Variants in RP1 observed in about 807,000 individuals in gnomAD.
RP1 encodes the protein oxygen-regulated protein 1.
In RP1, 16 loss-of-function variants were observed where a neutral mutation model predicts 14.8. The ratio of observed to expected loss-of-function variants is 1.08; its 90% confidence interval spans 0.73 to 1.65. The LOEUF is 1.65. RP1 is among the 40% of genes most tolerant of loss of function. RP1 has a pLI of 0.00. For synonymous variants in RP1, 876 were observed against 883.6 expected (o/e 0.99, Z 0.15); for missense variants, 2,631 against 2,535.0 (o/e 1.04, Z -0.81).
At chr8:54,697,866 A>C (rs577251218) in intron 12 of RP1, among the ~76,000 whole-genome samples, 4 of 152,230 alleles carry the variant, frequency 2.6e-5, no homozygotes, top group Admixed American at 6.5e-5. Context: ...GGATCCCTTC[A>C]TTACACCTTA....
At chr8:54,738,258 T>G (rs1268733985) in intron 18 of RP1, among the ~76,000 whole-genome samples, 1 of 152,124 alleles carries the variant, frequency 6.6e-6, no homozygotes, top group Non-Finnish European at 1.5e-5. Context: ...AAAACATACT[T>G]TACTCAGTTT....
At position 54,625,723 on chromosome 8, in the gene RP1, A is replaced by G. The variant is rs762549305; in HGVS notation, c.1841A>G (p.His614Arg). The G allele has an allele frequency of 8.1e-6, 13 of 1,613,940 alleles. No individual in the cohort carries two copies. Among genetic ancestry groups the G allele is most frequent in the Middle Eastern group, 1.6e-4 (1 of 6,082 alleles). The change falls in exon 4 of 4, where the codon CAT (histidine) becomes CGT (arginine). Residue 614 changes from histidine to arginine, a missense_variant. Transcript: ENST00000220676. ...AGTCCTATTTCAGCAGATGCAACCC[A>G]TTTTTCAAGTAATAACTCTGGAACT... ...RFSPISADAT[H>R]FSSNNSGTDK...
At chr8:54,666,288 AC>A (rs1314202477) in intron 7 of RP1, among the ~76,000 whole-genome samples, 2 of 151,910 alleles carry the variant, frequency 1.3e-5, no homozygotes, top group African/African-American at 2.4e-5. Flanking sequence ...TGCAAGTCCA[AC>A]CTTTTGTAGT....
intron 4 of RP1, chr8:54,649,201 G>A: frequency 7.5e-7 from 1 of 1,324,888 alleles, no homozygotes; most frequent in Non-Finnish European, 9.8e-7. Context: ...CACCTAGTAG[G>A]TACTTTGGAA....
intron 5 of RP1, among the ~76,000 whole-genome samples, chr8:54,653,707 T>G (rs908883756): frequency 1.3e-5 from 2 of 152,178 alleles, no homozygotes; most frequent in African/African-American, 4.8e-5. Flanking sequence ...AAACTTACCT[T>G]ATGAAAATAC....
exon 5 of RP1, chr8:54,652,845 C>T: frequency 6.5e-7 from 1 of 1,535,550 alleles, no homozygotes; most frequent in Non-Finnish European, 8.7e-7. Context: ...CTGGATCCTC[C>T]CCTTCCTGGC....
rs764465585 is a variant in RP1 at position 54,621,507 on chromosome 8, G to C, written c.541G>C (p.Glu181Gln). Residue 181 changes from glutamate to glutamine, a missense_variant, in exon 2 of 4, where the codon GAG (glutamate) becomes CAG (glutamine). Transcript: ENST00000220676. ...LLSRRVTQSF[E>Q]AFLQHLTEVM... ...GAGCAGGAGGGTCACCCAGAGCTTC[G>C]AGGCATTTCTACAGCACCTGACAGA... The C allele has an allele frequency of 3.1e-6, 5 of 1,614,032 alleles. No homozygotes were observed. The Admixed American group carries it at 8.3e-5, about 27-fold the overall frequency.
At chr8:54,798,264 G>A (rs1053164845) in intron 24 of RP1, among the ~76,000 whole-genome samples, 1 of 151,996 alleles carries the variant, frequency 6.6e-6, no homozygotes. Context: ...TGCCTGCTTC[G>A]GCCTCTCAAA....
chr8:54,809,582 T>C (rs1810938613), intron 24 of RP1, among the ~76,000 whole-genome samples: 1 of 85,000 alleles, frequency 1.2e-5, no homozygotes, highest in South Asian at 4.1e-4. Context: ...CAGAAAGACA[T>C]GCTGTACATA....
chr8:54,639,371 A>G (rs1806415150), intron 3 of RP1, among the ~76,000 whole-genome samples: 1 of 152,232 alleles, frequency 6.6e-6, no homozygotes. Context: ...GATATAAGTT[A>G]TATAAACATT....
At chr8:54,577,720 G>C (rs542544283) in intron 1 of RP1, among the ~76,000 whole-genome samples, 2 of 152,242 alleles carry the variant, frequency 1.3e-5, no homozygotes, top group South Asian at 4.1e-4. Context: ...TCATATTGTA[G>C]ATGAGGAAAT....
At chr8:54,785,715 T>A (rs893198239) in intron 24 of RP1, among the ~76,000 whole-genome samples, 6 of 152,114 alleles carry the variant, frequency 3.9e-5, no homozygotes, top group Non-Finnish European at 8.8e-5. Flanking sequence ...GTTTTTTGAT[T>A]CTAACCATCC....
At chr8:54,620,877 T>C in intron 1 of RP1, 78 bp from the exon 2 acceptor site, 2 of 1,284,070 alleles carry the variant, frequency 1.6e-6, no homozygotes, top group Non-Finnish European at 2.3e-6. Flanking sequence ...TGTCTGCAGC[T>C]ATATTTAGCA....
intron 23 of RP1, among the ~76,000 whole-genome samples, chr8:54,782,204 AGCTG>A (rs1217199435): frequency 1.5e-4 from 23 of 152,296 alleles, no homozygotes; most frequent in Admixed American, 7.8e-4. Context: ...AGTTCCTGAA[AGCTG>A]GCTGGCTGCG....
downstream of RP1, among the ~76,000 whole-genome samples, chr8:54,632,734 A>C (rs1806272785): frequency 6.6e-6 from 1 of 152,058 alleles, no homozygotes; most frequent in Admixed American, 6.6e-5. Flanking sequence ...TGTAAAGATG[A>C]TTTTTTCTTT....
chr8:54,627,976 G>T lies in RP1; in HGVS notation c.4094G>T (p.Gly1365Val), dbSNP rs762999168. The change falls in exon 4 of 4, where the codon GGT becomes GTT. Residue 1365 changes from glycine to valine, a missense_variant. Physicochemically the swap from Gly to Val is moderately radical, Grantham distance 109 (BLOSUM62 -3). Coordinates refer to ENST00000220676, the MANE Select transcript of RP1 (RefSeq NM_006269.2). ...GATTCAACTGAAGAGTTAGAAAGAG[G>T]TGATGACATTCAGAAAGATCTAAAT... The part of the protein sequence containing the change: ...NLDSTEELER[G>V]DDIQKDLNIL... 3 of 1,614,024 alleles carry T rather than the reference G, an allele frequency of 1.9e-6. No homozygotes were observed. The South Asian group carries it at 3.3e-5, about 18-fold the overall frequency.
At position 54,693,204 on chromosome 8, in the gene RP1, C is replaced by T. The variant is rs201925050; in HGVS notation, c.1718-6263C>T. On this transcript the variant is annotated intron_variant, in intron 12 of 22. Transcript: ENST00000636932. Reference sequence around the variant, plus strand: ...CTCTGTTTTGGTACCATTACCATGCCGTTTTGATTACTGTAGCCTTGTAGT... The same window carrying T: ...CTCTGTTTTGGTACCATTACCATGCTGTTTTGATTACTGTAGCCTTGTAGT... 1.1e-3 allele frequency among the ~76,000 whole-genome samples: 167 copies of T among 152,032 alleles called. 1 individual carries two copies. Among genetic ancestry groups the T allele is most frequent in the Non-Finnish European group, 2.1e-3 (146 of 67,924 alleles).
downstream of RP1, among the ~76,000 whole-genome samples, chr8:54,772,327 C>T (rs1042802939): frequency 6.6e-6 from 1 of 151,946 alleles, no homozygotes; most frequent in Middle Eastern, 3.4e-3. Context: ...TAATAAACCC[C>T]CTCACTAACT....
chr8:54,789,700 G>T (rs1364936371), intron 24 of RP1, among the ~76,000 whole-genome samples: 1 of 152,166 alleles, frequency 6.6e-6, no homozygotes, highest in African/African-American at 2.4e-5. Context: ...AGTCCAGACA[G>T]CAAACCCACC....
Sources: allele counts gnomAD v4.1 joint callset (sites outside exome capture counted in the v4.1 genomes callset), GRCh38; gene constraint gnomAD v4.1.1; transcripts MANE v1.5; gene names NCBI Gene and HGNC (gene_info 2026-07-23, HGNC 2026-07-21).